The following PCDHGA7 variants were observed in gnomAD, a reference collection of about 807,000 sequenced individuals.
PCDHGA7 encodes protocadherin gamma subfamily A, 7.
Under a neutral mutation model 58.3 loss-of-function variants are expected in PCDHGA7, and 44 were observed. That is an observed-to-expected ratio of 0.75 (90% CI 0.59 to 0.97). PCDHGA7 has a LOEUF of 0.97. Among genes scored for constraint, PCDHGA7 ranks in the 50% least tolerant of loss-of-function variants. The pLI is 0.00. For synonymous variants in PCDHGA7, 516 were observed against 504.2 expected (o/e 1.02, Z -0.31); for missense variants, 1,266 against 1,188.7 (o/e 1.06, Z -0.96).
At chr5:141,392,921 A>T in intron 1 of PCDHGA7, 2 of 1,613,940 alleles carry the variant, frequency 1.2e-6, no homozygotes, top group Non-Finnish European at 1.7e-6. Flanking sequence ...ACTCTGTGCC[A>T]GAAGAGACGG....
chr5:141,423,864 G>T, intron 1 of PCDHGA7: 4 of 1,284,224 alleles, frequency 3.1e-6, no homozygotes, highest in Non-Finnish European at 3.9e-6. Flanking sequence ...TTTTGTGAAA[G>T]TCATTTTTCA....
At chr5:141,460,961 ATGTGTG>A (rs35821115) in intron 1 of PCDHGA7, among the ~76,000 whole-genome samples, 6 of 144,616 alleles carry the variant, frequency 4.1e-5, no homozygotes, top group South Asian at 4.4e-4. Flanking sequence ...GTATATATAT[ATGTGTG>A]TGTGTGTGTG....
chr5:141,443,136 C>T (rs910953831), intron 1 of PCDHGA7, among the ~76,000 whole-genome samples: 1 of 152,160 alleles, frequency 6.6e-6, no homozygotes, highest in African/African-American at 2.4e-5. Context: ...AGAACACTAT[C>T]ATAAGTTATA....
At chr5:141,433,995 C>G (rs995723859) in intron 1 of PCDHGA7, among the ~76,000 whole-genome samples, 1 of 152,028 alleles carries the variant, frequency 6.6e-6, no homozygotes, top group Non-Finnish European at 1.5e-5. Context: ...GTTTTATATT[C>G]TCTATATATG....
intron 1 of PCDHGA7, chr5:141,413,677 G>T (rs539552615): frequency 6.2e-7 from 1 of 1,613,794 alleles, no homozygotes; most frequent in East Asian, 2.2e-5. Flanking sequence ...GGATGTGGGC[G>T]TGAACTCCCT....
intron 2 of PCDHGA7, among the ~76,000 whole-genome samples, chr5:141,499,317 A>G (rs532848559): frequency 7.9e-5 from 12 of 152,354 alleles, no homozygotes; most frequent in Admixed American, 1.3e-4. Context: ...GAGAGACAGT[A>G]TCCCTGCTCT....
intron 1 of PCDHGA7, chr5:141,415,791 CCTAGTCTCAA>C: frequency 2.2e-6 from 3 of 1,341,938 alleles, no homozygotes; most frequent in Non-Finnish European, 1.9e-6. Flanking sequence ...GTAAAATTCA[CCTAGTCTCAA>C]TCAAGGCCTA....
intron 1 of PCDHGA7, chr5:141,402,899 G>A: frequency 6.6e-7 from 1 of 1,516,814 alleles, no homozygotes; most frequent in Non-Finnish European, 8.8e-7. Context: ...GAAAGAACCT[G>A]ATGAAGCAGC....
intron 3 of PCDHGA7, among the ~76,000 whole-genome samples, chr5:141,509,139 A>G (rs1042555376): frequency 2.6e-5 from 4 of 152,140 alleles, no homozygotes; most frequent in African/African-American, 9.7e-5. Flanking sequence ...ACCGAGGCGC[A>G]TCCCGGCTCT....
chr5:141,432,094 C>G lies in PCDHGA7; in HGVS notation c.2424+46771C>G. On this transcript the variant is annotated intron_variant, in intron 1 of 3. Transcript: ENST00000518325. This position sits in a 1 kb window ranked among gnomAD's most constrained non-coding sequence, Gnocchi z 6.0. ...ATATCTCGCTGAACGTGGCAGACAC[C>G]AACGACAACCCGCCGGTCTTCCCTC... The G allele has an allele frequency of 6.2e-7, 1 of 1,614,178 alleles. No homozygotes were observed. The highest frequency in any genetic ancestry group is 8.5e-7 in the Non-Finnish European group (1 of 1,180,046).
chr5:141,433,437 T>C (rs1422634356), intron 1 of PCDHGA7, among the ~76,000 whole-genome samples: 2 of 152,076 alleles, frequency 1.3e-5, no homozygotes, highest in Admixed American at 1.3e-4. Flanking sequence ...AGTCTCACTA[T>C]GTTGAGCAGG....
chr5:141,428,297 T>G (rs2097131311), intron 1 of PCDHGA7: 5 of 712,160 alleles, frequency 7.0e-6, no homozygotes, highest in Non-Finnish European at 1.2e-5. Flanking sequence ...AAGCTGCAGA[T>G]TTACCTGGTC....
chr5:141,414,938 C>G (rs1407853248), intron 1 of PCDHGA7: 1 of 1,614,116 alleles, frequency 6.2e-7, no homozygotes, highest in Admixed American at 1.7e-5. Flanking sequence ...TCCGCAGAGC[C>G]CGGCTACCTG....
In PCDHGA7 at chr5:141,384,642, C is replaced by T. The variant is rs373564078; in HGVS notation, c.1743C>T (p.Ser581=). The T allele has an allele frequency of 3.1e-6, 5 of 1,614,214 alleles. No homozygotes were observed. Among genetic ancestry groups the T allele is most frequent in the South Asian group, 2.2e-5 (2 of 91,086 alleles). The part of the protein sequence containing the change: ...GSTGMELAPR[S]AEPGYLVTKV... Reference sequence around the variant, plus strand: ...CTGGCATGGAGCTGGCACCCCGCTCCGCAGAGCCCGGCTACCTGGTGACCA... The same window carrying T: ...CTGGCATGGAGCTGGCACCCCGCTCTGCAGAGCCCGGCTACCTGGTGACCA... The change falls in exon 1 of 4, where the codon TCC becomes TCT. Residue 581 remains serine (S), a synonymous_variant. Coordinates refer to ENST00000518325, the MANE Select transcript of PCDHGA7 (RefSeq NM_018920.4).
At position 141,476,980 on chromosome 5, in the gene PCDHGA7, C is replaced by T; in HGVS notation, c.2425-17827C>T. 6.2e-7 allele frequency: 1 copy of T among 1,614,232 alleles called. No individual in the cohort carries two copies. Among genetic ancestry groups the T allele is most frequent in the Non-Finnish European group, 8.5e-7 (1 of 1,180,044 alleles). On this transcript the variant is annotated intron_variant, in intron 1 of 3. Coordinates refer to ENST00000518325, the MANE Select transcript of PCDHGA7 (RefSeq NM_018920.4). This position sits in a 1 kb window ranked among gnomAD's most constrained non-coding sequence, Gnocchi z 7.6. Reference sequence around the variant, plus strand: ...TTTACTCCTTCGGCAGCCACAACCGCGCCGGCGTGCGGCAACTATTCGCCT... The same window carrying T: ...TTTACTCCTTCGGCAGCCACAACCGTGCCGGCGTGCGGCAACTATTCGCCT...
At chr5:141,450,675 C>T (rs377412699) in intron 1 of PCDHGA7, among the ~76,000 whole-genome samples, 3 of 151,614 alleles carry the variant, frequency 2.0e-5, no homozygotes, top group South Asian at 4.2e-4. Flanking sequence ...TTAGTAGAAA[C>T]GGGGTTTTGC....
At chr5:141,440,399 A>T (rs1215824479) in intron 1 of PCDHGA7, 1 of 152,164 alleles carries the variant, frequency 6.6e-6, no homozygotes, top group Non-Finnish European at 1.5e-5. Context: ...CCGAGAGGCA[A>T]TCGCACCACT....
chr5:141,477,010 C>G lies in PCDHGA7; in HGVS notation c.2425-17797C>G. On this transcript the variant is annotated intron_variant, in intron 1 of 3. Coordinates refer to ENST00000518325, the MANE Select transcript of PCDHGA7 (RefSeq NM_018920.4). This position sits in a 1 kb window ranked among gnomAD's most constrained non-coding sequence, Gnocchi z 4.9. ...GCGTGCGGCAACTATTCGCCTTAGA[C>G]CTTGTAACCGGGATGCTGACAATCA... 4 of 1,614,260 alleles carry G rather than the reference C, an allele frequency of 2.5e-6. No homozygotes were observed. Among genetic ancestry groups the G allele is most frequent in the Non-Finnish European group, 2.5e-6 (3 of 1,180,052 alleles).
At chr5:141,483,222 C>A (rs1011389295) in intron 1 of PCDHGA7, among the ~76,000 whole-genome samples, 4 of 152,078 alleles carry the variant, frequency 2.6e-5, no homozygotes, top group African/African-American at 9.7e-5. Context: ...ACAGTCACTG[C>A]AGAAATTTGA....
Sources: gnomAD v4.1 joint callset for allele counts (sites outside exome capture counted in the v4.1 genomes callset) on GRCh38, gnomAD v4.1.1 for gene constraint, Gnocchi (gnomAD v3.1) non-coding constraint, MANE v1.5 for transcripts, NCBI Gene and HGNC (gene_info 2026-07-23, HGNC 2026-07-21) for gene names.